The following ARFGEF2 variants were observed in gnomAD, a reference collection of about 807,000 sequenced individuals.
ARFGEF2 encodes the protein ARF guanine nucleotide exchange factor 2.
A neutral mutation model predicts 219.9 loss-of-function variants in ARFGEF2; 74 were observed. That is an observed-to-expected ratio of 0.34 (90% confidence interval 0.28 to 0.41). ARFGEF2 has a LOEUF of 0.41. Ranked by LOEUF, ARFGEF2 falls within the 10% of genes least tolerant of loss-of-function variation. ARFGEF2 has a pLI of 1.00. For synonymous variants in ARFGEF2, 733 were observed against 799.2 expected, an observed-to-expected ratio of 0.92 and a Z score of 1.40; for missense variants, 1,743 against 2,218.3, an observed-to-expected ratio of 0.79 and a Z score of 4.30.
In ARFGEF2 at chr20:48,998,442, C is replaced by T; in HGVS notation, c.3369C>T (p.Asn1123=). ...AGATTGTGGAGATATCATACTACAACATGAATCGGATCCGACTACAGTGGT... is the reference window on the plus strand; with the variant it reads ...AGATTGTGGAGATATCATACTACAATATGAATCGGATCCGACTACAGTGGT... ...LQKIVEISYY[N]MNRIRLQWSR... The change falls in exon 25 of 39, where the codon AAC becomes AAT. Residue 1123 remains asparagine, a synonymous_variant. Coordinates refer to ENST00000371917, the MANE Select transcript of ARFGEF2 (RefSeq NM_006420.3). 6.2e-7 allele frequency: 1 copy of T among 1,613,632 alleles called. No individual in the cohort carries two copies.
chr20:48,993,492 G>A (rs758259072), intron 21 of ARFGEF2, among the ~76,000 whole-genome samples: 1 of 152,140 alleles, frequency 6.6e-6, no homozygotes, highest in Admixed American at 6.5e-5. Flanking sequence ...AAAGATACTC[G>A]GCAGTGCTCA....
At chr20:48,999,752 A>AT (rs1346331861) in intron 25 of ARFGEF2, among the ~76,000 whole-genome samples, 1 of 150,962 alleles carries the variant, frequency 6.6e-6, no homozygotes, top group African/African-American at 2.5e-5. Flanking sequence ...GTCTTAAAAA[A>AT]AAAAAAAAAA....
At chr20:48,993,262 G>T (rs753235476) in intron 21 of ARFGEF2, among the ~76,000 whole-genome samples, 1 of 152,124 alleles carries the variant, frequency 6.6e-6, no homozygotes, top group African/African-American at 2.4e-5. Flanking sequence ...CTACCTCTGC[G>T]GTTGTCAGAA....
chr20:49,013,763 C>A, intron 29 of ARFGEF2, 68 bp from the exon 30 acceptor site: 1 of 1,613,938 alleles, frequency 6.2e-7, no homozygotes, highest in Non-Finnish European at 8.5e-7. Flanking sequence ...CTCACCTGAC[C>A]CCACTCTCTT....
At chr20:48,961,381 A>G (rs1236356414) in intron 6 of ARFGEF2, among the ~76,000 whole-genome samples, 3 of 152,102 alleles carry the variant, frequency 2.0e-5, no homozygotes, top group Non-Finnish European at 4.4e-5. Context: ...CAGGGTCAGG[A>G]TCATTCATAT....
In ARFGEF2 at chr20:49,016,572, G is replaced by GC. The variant is rs11481871; in HGVS notation, c.4315+165dup. On this transcript the variant is annotated intron_variant, in intron 31 of 38. Coordinates refer to ENST00000371917, the MANE Select transcript of ARFGEF2 (RefSeq NM_006420.3). The stretch of plus-strand genomic sequence containing the variant: ...TTTTAATTACAGTATAAAAAACAGT[G>GC]CCCCCCCCAAGTCAGTTCATAAAGC... 0.098 allele frequency among the ~76,000 whole-genome samples: 14,892 copies of GC among 151,578 alleles called. 946 individuals are homozygous for GC. The highest frequency in any genetic ancestry group is 0.13 in the Non-Finnish European group (9,080 of 67,818).
chr20:49,036,295 T>C lies in ARFGEF2; in HGVS notation c.*3096T>C, dbSNP rs1174080363. 5.0e-6 allele frequency: 2 copies of C among 398,226 alleles called. No homozygotes were observed. Among genetic ancestry groups the C allele is most frequent in the Non-Finnish European group, 8.9e-6 (2 of 225,936 alleles). The allele number at this position is 398,226 out of a possible 1,614,324, so 24.7% of individuals were successfully genotyped here. A position where few individuals can be genotyped will look rare whatever the true frequency, so the allele number is the denominator to read the frequency against. On this transcript the variant is annotated 3_prime_UTR_variant, in exon 39 of 39. Transcript: ENST00000371917. ...AACAAAGAAACCAAAGCTGAGTGTT[T>C]TAAAGAATGAACATATCTGGAAATC...
intron 3 of ARFGEF2, among the ~76,000 whole-genome samples, chr20:48,942,712 C>G (rs1288605313): frequency 6.6e-6 from 1 of 151,920 alleles, no homozygotes; most frequent in Non-Finnish European, 1.5e-5. Flanking sequence ...TCTCAAAAGC[C>G]TCTTTCTTAA....
intron 12 of ARFGEF2, among the ~76,000 whole-genome samples, chr20:48,974,534 C>T (rs2091248684): frequency 6.6e-6 from 1 of 151,834 alleles, no homozygotes; most frequent in Admixed American, 6.6e-5. Flanking sequence ...AACACATATC[C>T]CATATTTTTG....
At chr20:48,991,863 T>C (rs117336164) in intron 21 of ARFGEF2, among the ~76,000 whole-genome samples, 92 of 152,340 alleles carry the variant, frequency 6.0e-4, no homozygotes, top group Non-Finnish European at 1.1e-3. Context: ...AGATAGTATG[T>C]GCTCTCTGAT....
At chr20:48,939,490 A>C (rs1004656896) in intron 1 of ARFGEF2, among the ~76,000 whole-genome samples, 10 of 152,020 alleles carry the variant, frequency 6.6e-5, no homozygotes, top group African/African-American at 1.7e-4. Context: ...GGCATTATAG[A>C]TACAGGTTTC....
intron 14 of ARFGEF2, among the ~76,000 whole-genome samples, chr20:48,979,612 T>C (rs2091283226): frequency 6.6e-6 from 1 of 152,198 alleles, no homozygotes. Flanking sequence ...TCCTGGACTT[T>C]TTCTGGTTGG....
chr20:48,948,753 TC>T (rs2091046008), intron 3 of ARFGEF2, among the ~76,000 whole-genome samples: 1 of 152,228 alleles, frequency 6.6e-6, no homozygotes, highest in Non-Finnish European at 1.5e-5. Context: ...TGGCAGAATG[TC>T]CCTGTGCAAG....
In ARFGEF2 at chr20:48,944,286, T is replaced by G. The variant is rs150097571; in HGVS notation, c.276+2299T>G. Among the ~76,000 whole-genome samples the G allele has an allele frequency of 6.9e-3, 1,050 of 152,318 alleles. 15 individuals carry two copies. Among genetic ancestry groups the G allele is most frequent in the Non-Finnish European group, 0.012 (786 of 68,030 alleles). ...TTGTTCTCTCCGCATGTTAAGGTTT[T>G]CTTTTGAAGGGAGTGCTGATAATGT... is the stretch of plus-strand genomic sequence containing the variant. On this transcript the variant is annotated intron_variant, in intron 3 of 38. Transcript: ENST00000371917.
chr20:48,963,938 T>C, intron 7 of ARFGEF2, 40 bp downstream of exon 7: 2 of 1,597,714 alleles, frequency 1.3e-6, no homozygotes, highest in South Asian at 1.1e-5. Context: ...TCTTCCCTCA[T>C]TCCTCCAAAA....
intron 8 of ARFGEF2, among the ~76,000 whole-genome samples, chr20:48,968,928 A>G (rs1273595881): frequency 6.6e-6 from 1 of 152,126 alleles, no homozygotes; most frequent in African/African-American, 2.4e-5. Context: ...TTACATTTCT[A>G]ATTTTTGATA....
intron 27 of ARFGEF2, 45 bp downstream of exon 27, chr20:49,010,449 C>A: frequency 6.2e-7 from 1 of 1,604,044 alleles, no homozygotes; most frequent in Non-Finnish European, 8.5e-7. Context: ...ACCTGCAAGT[C>A]TAGAAGAGTG....
At chr20:48,950,210 G>T (rs955017024) in intron 3 of ARFGEF2, among the ~76,000 whole-genome samples, 1 of 152,014 alleles carries the variant, frequency 6.6e-6, no homozygotes, top group Non-Finnish European at 1.5e-5. Context: ...GCTGCTCGTG[G>T]GTGACACACA....
chr20:48,958,778 C>T (rs1403802547), intron 6 of ARFGEF2, among the ~76,000 whole-genome samples: 1 of 152,150 alleles, frequency 6.6e-6, no homozygotes, highest in Admixed American at 6.6e-5. Flanking sequence ...CCCAGTCAGC[C>T]TCCCATTTTC....
Sources: gnomAD v4.1 joint callset for allele counts (sites outside exome capture counted in the v4.1 genomes callset) on GRCh38, gnomAD v4.1.1 for gene constraint, MANE v1.5 for transcripts, NCBI Gene and HGNC (gene_info 2026-07-23, HGNC 2026-07-21) for gene names.